Variants in HEMGN observed in about 807,000 individuals in gnomAD.
HEMGN encodes erythroid differentiation-associated gene protein.
In HEMGN, 32 loss-of-function variants were observed where a neutral mutation model predicts 45.7. The ratio of observed to expected loss-of-function variants is 0.70; its 90% CI spans 0.53 to 0.94. HEMGN has a LOEUF of 0.94. HEMGN is among the 40% of genes least tolerant of loss of function. The pLI, the probability that HEMGN is intolerant of heterozygous loss-of-function variation, is 0.00. For synonymous variants in HEMGN, 183 were observed against 178.6 expected (o/e 1.02, Z -0.20); for missense variants, 530 against 564.2 (o/e 0.94, Z 0.61).
Position 97,930,645 on chromosome 9 carries a change from T to C in HEMGN, c.750A>G (p.Thr250=). 1 of 1,614,230 alleles carries C rather than the reference T, an allele frequency of 6.2e-7. No homozygotes were observed. Among genetic ancestry groups the C allele is most frequent in the Non-Finnish European group, 8.5e-7 (1 of 1,180,024 alleles). Reference sequence around the variant, plus strand: ...GAAGAGAGCATCCTGCCAGATCAGCTGTGTCTTCAGATGTTGGACAAGGAA... The same window carrying C: ...GAAGAGAGCATCCTGCCAGATCAGCCGTGTCTTCAGATGTTGGACAAGGAA... ...KILPCPTSED[T]ADLAGCSLQA... Residue 250 remains threonine (T), a synonymous_variant, in exon 3 of 4, where the codon ACA becomes ACG. Transcript: ENST00000616898.
chr9:97,931,217 G>A lies in HEMGN; in HGVS notation c.178C>T (p.Gln60Ter). Residue 60 changes from glutamine to a stop codon, truncating the protein, a stop_gained, in exon 3 of 4, where the codon CAG becomes TAG. Coordinates refer to ENST00000616898, the MANE Select transcript of HEMGN (RefSeq NM_197978.3). LOFTEE classifies it high-confidence loss of function. ...GTTCTCTGCTGCTTGCGTTTTTTCT[G>A]TTCTCTGCAGAAAGAACAGAATTAG... ...KETSQWLFGE[Q>*]KKRKQQRTGK... The A allele has an allele frequency of 6.3e-7, 1 of 1,595,420 alleles. No individual in the cohort carries two copies.
At chr9:97,939,148 T>G (rs1827115189), upstream of HEMGN, among the ~76,000 whole-genome samples, 1 of 152,158 alleles carries the variant, frequency 6.6e-6, no homozygotes, top group Non-Finnish European at 1.5e-5. Context: ...TGAAGTGAGT[T>G]TGAATTCCAG....
At chr9:97,937,312 A>G (rs999261078) in intron 1 of HEMGN, among the ~76,000 whole-genome samples, 3 of 152,090 alleles carry the variant, frequency 2.0e-5, no homozygotes, top group Admixed American at 6.6e-5. Context: ...TGTGCAGATC[A>G]TCCCATCACC....
upstream of HEMGN, among the ~76,000 whole-genome samples, chr9:97,941,456 A>G (rs1587857153): frequency 6.6e-6 from 1 of 152,350 alleles, no homozygotes; most frequent in African/African-American, 2.4e-5. Flanking sequence ...TATTCTGGCT[A>G]CTATGTGGGA....
upstream of HEMGN, among the ~76,000 whole-genome samples, chr9:97,938,870 CAA>C (rs762970148): frequency 6.6e-6 from 1 of 152,124 alleles, no homozygotes; most frequent in Non-Finnish European, 1.5e-5. Flanking sequence ...GCAAGTGACT[CAA>C]GATAACTAGT....
At chr9:97,934,208 C>T (rs906890386) in intron 2 of HEMGN, among the ~76,000 whole-genome samples, 1 of 151,800 alleles carries the variant, frequency 6.6e-6, no homozygotes, top group African/African-American at 2.4e-5. Context: ...ACTAGCTGGG[C>T]GTGGTGGCCA....
chr9:97,930,777 T>A lies in HEMGN; in HGVS notation c.618A>T (p.Gln206His), dbSNP rs1359906390. 6.2e-7 allele frequency: 1 copy of A among 1,614,202 alleles called. No individual in the cohort carries two copies. Among genetic ancestry groups the A allele is most frequent in the South Asian group, 1.1e-5 (1 of 91,092 alleles). Residue 206 changes from glutamine (Q) to histidine (H), a missense_variant, in exon 3 of 4, where the codon CAA becomes CAT. Coordinates refer to ENST00000616898, the MANE Select transcript of HEMGN (RefSeq NM_197978.3). ...EPEDNSPNTC[Q>H]VISVIQDHPF... ...GATGGTCTTGAATTACAGATATTAC[T>A]TGGCATGTGTTAGGAGAGTTGTCTT...
chr9:97,927,516 AT>A, intron 3 of HEMGN, 38 bp from the exon 4 acceptor site: 1 of 1,358,338 alleles, frequency 7.4e-7, no homozygotes, highest in Non-Finnish European at 1.0e-6. Flanking sequence ...GATTCAATAA[AT>A]TGTATTGGGA....
chr9:97,935,750 A>T (rs376006991), intron 2 of HEMGN, among the ~76,000 whole-genome samples: 1 of 152,230 alleles, frequency 6.6e-6, no homozygotes, highest in African/African-American at 2.4e-5. Context: ...GGCTTATTCC[A>T]TGGAGAGTTA....
chr9:97,927,265 C>A lies in HEMGN; in HGVS notation c.*119G>T. The A allele has an allele frequency of 1.6e-6, 1 of 606,960 alleles. No homozygotes were observed. 37.6% of individuals were successfully genotyped at this position (606,960 alleles called of 1,614,324 possible). On this transcript the variant is annotated 3_prime_UTR_variant, in exon 4 of 4. Coordinates refer to ENST00000616898, the MANE Select transcript of HEMGN (RefSeq NM_197978.3). ...TGTTATTTCTTTCAGATATGGTCTA[C>A]AAATAGAAAAAATAATATTAATGAG...
In HEMGN at chr9:97,930,985, C is replaced by G. The variant is rs758737111; in HGVS notation, c.410G>C (p.Cys137Ser). The G allele has an allele frequency of 1.2e-6, 2 of 1,614,126 alleles. No individual in the cohort carries two copies. Among genetic ancestry groups the G allele is most frequent in the South Asian group, 2.2e-5 (2 of 91,078 alleles). The change falls in exon 3 of 4, where the codon TGT (cysteine) becomes TCT (serine). Residue 137 changes from cysteine (C) to serine (S), a missense_variant. By Grantham distance (112) the Cys-to-Ser change is moderately radical. Transcript: ENST00000616898. Reference protein sequence around the residue: ...VVPEEHFSEICQESNIYQENF... With the variant: ...VVPEEHFSEISQESNIYQENF... ...CTCCTGATATATGTTACTTTCTTGA[C>G]ATATTTCAGAAAAGTGTTCCTCAGG... is the stretch of plus-strand genomic sequence containing the variant.
In HEMGN at chr9:97,930,921, A is replaced by G. The variant is rs532692786; in HGVS notation, c.474T>C (p.His158=). The G allele has an allele frequency of 6.8e-6, 11 of 1,614,162 alleles. No individual in the cohort carries two copies. In the African/African-American group the frequency reaches 1.2e-4, roughly 18 times the overall value. The change falls in exon 3 of 4, where the codon CAT becomes CAC. Residue 158 remains histidine, a synonymous_variant. Transcript: ENST00000616898. ...SEYQEIAVQN[H]SSETCQHVSE... is the part of the protein sequence containing the mutation. ...ACACATGTTGGCATGTTTCAGAAGA[A>G]TGGTTTTGTACTGCTATTTCTTGGT... is the stretch of plus-strand genomic sequence containing the variant.
Position 97,930,284 on chromosome 9 carries a change from A to G in HEMGN, c.1111T>C (p.Tyr371His), listed in dbSNP as rs536606309. The G allele has an allele frequency of 1.9e-5, 30 of 1,614,028 alleles. No individual in the cohort carries two copies. The South Asian group carries it at 3.2e-4, about 17-fold the overall frequency. The change falls in exon 3 of 4, where the codon TAT becomes CAT. Residue 371 changes from tyrosine to histidine, a missense_variant. Physicochemically the swap from Tyr to His is moderately conservative, Grantham distance 83 (BLOSUM62 2). Coordinates refer to ENST00000616898, the MANE Select transcript of HEMGN (RefSeq NM_197978.3). The stretch of plus-strand genomic sequence containing the variant: ...TCTTCAAGCCCAGGTATTTCTTGAT[A>G]CGTTTCAGGTGAATATTTTTCAGAC... ...PGSEKYSPET[Y>H]QEIPGLEEYS... is the part of the protein sequence containing the mutation.
At position 97,930,320 on chromosome 9, in the gene HEMGN, C is replaced by T. The variant is rs1403227205; in HGVS notation, c.1075G>A (p.Glu359Lys). 1 of 1,613,680 alleles carries T rather than the reference C, an allele frequency of 6.2e-7. No individual in the cohort carries two copies. The highest frequency in any genetic ancestry group is 1.7e-5 in the Admixed American group (1 of 59,922). The change falls in exon 3 of 4, where the codon GAA (glutamate) becomes AAA (lysine). Residue 359 changes from glutamate (E) to lysine (K), a missense_variant. Transcript: ENST00000616898. ...SEDYSIEINQ[E>K]TPGSEKYSPE... ...GAATATTTTTCAGACCCAGGAGTTT[C>T]TTGGTTTATTTCAATTGAATAGTCT...
chr9:97,936,067 T>A, intron 2 of HEMGN, 104 bp downstream of exon 2: 1 of 780,564 alleles, frequency 1.3e-6, no homozygotes. Context: ...ATTTACAGGA[T>A]TGTTGGAAAG....
At chr9:97,932,283 C>T (rs1256903922) in intron 2 of HEMGN, among the ~76,000 whole-genome samples, 1 of 152,016 alleles carries the variant, frequency 6.6e-6, no homozygotes, top group African/African-American at 2.4e-5. Flanking sequence ...TTATAGTGCC[C>T]ATCGTTCCTT....
upstream of HEMGN, among the ~76,000 whole-genome samples, chr9:97,941,065 GA>G (rs1240516732): frequency 6.6e-6 from 1 of 152,098 alleles, no homozygotes; most frequent in Non-Finnish European, 1.5e-5. Context: ...AAACAATAAG[GA>G]AATAAATAAA....
rs182174518 is a variant in HEMGN, at chr9:97,928,736, G to T, written c.1361-1258C>A. Among the ~76,000 whole-genome samples the T allele has an allele frequency of 6.6e-5, 10 of 152,282 alleles. No individual in the cohort carries two copies. In the East Asian group the frequency reaches 1.9e-3, roughly 29 times the overall value. On this transcript the variant is annotated intron_variant, in intron 3 of 3. Coordinates refer to ENST00000616898, the MANE Select transcript of HEMGN (RefSeq NM_197978.3). ...CCAATGATGTTCATTGAACATTGTT[G>T]TAATAGTAAAACTTGGCAGTAACCT...
intron 1 of HEMGN, among the ~76,000 whole-genome samples, chr9:97,944,590 C>A (rs1827196151): frequency 1.3e-5 from 2 of 152,214 alleles, no homozygotes; most frequent in African/African-American, 4.8e-5. Context: ...CCAGAATATT[C>A]CTGCTACAGC....
Sources: allele counts gnomAD v4.1 joint callset (sites outside exome capture counted in the v4.1 genomes callset), GRCh38; gene constraint gnomAD v4.1.1; transcripts MANE v1.5; gene names NCBI Gene and HGNC (gene_info 2026-07-23, HGNC 2026-07-21).